The following FMNL2 variants were observed in gnomAD, a reference collection of about 807,000 sequenced individuals.
The protein encoded by FMNL2 is formin-like protein 2.
FMNL2 carries 51 observed loss-of-function variants against 130.2 expected under a neutral mutation model. The observed-to-expected ratio is 0.39, with a 90% CI of 0.31 to 0.49. The LOEUF is 0.49. Ranked by LOEUF, FMNL2 falls within the 20% of genes least tolerant of loss-of-function variation. The pLI is 0.85. For synonymous variants in FMNL2, 465 were observed against 467.1 expected, an observed-to-expected ratio of 1.00 and a Z score of 0.06; for missense variants, 977 against 1,316.2, an observed-to-expected ratio of 0.74 and a Z score of 3.99.
At chr2:152,388,308 A>G (rs534336400) in intron 1 of FMNL2, among the ~76,000 whole-genome samples, 48 of 152,338 alleles carry the variant, frequency 3.2e-4, no homozygotes, top group African/African-American at 1.1e-3. Context: ...TTATAAAGGA[A>G]GAGGTTTAAT....
chr2:152,474,863 A>T (rs1690061411), intron 1 of FMNL2, among the ~76,000 whole-genome samples: 2 of 152,222 alleles, frequency 1.3e-5, no homozygotes, highest in African/African-American at 4.8e-5. Flanking sequence ...AGGAGAACAG[A>T]GTCACAGAGC....
intron 1 of FMNL2, among the ~76,000 whole-genome samples, chr2:152,433,008 T>C (rs1441506426): frequency 6.6e-6 from 1 of 152,228 alleles, no homozygotes; most frequent in African/African-American, 2.4e-5. Flanking sequence ...TGCTCTATAC[T>C]AGCAGCGCTT....
intron 1 of FMNL2, among the ~76,000 whole-genome samples, chr2:152,471,598 T>A (rs1689863330): frequency 6.6e-6 from 1 of 152,198 alleles, no homozygotes; most frequent in Non-Finnish European, 1.5e-5. Flanking sequence ...ACTCCAGAAC[T>A]GGAGCCAACA....
chr2:152,409,682 G>A (rs1035568402), intron 1 of FMNL2, among the ~76,000 whole-genome samples: 2 of 152,124 alleles, frequency 1.3e-5, no homozygotes, highest in African/African-American at 2.4e-5. Context: ...TGCAGTAATC[G>A]GACCCTGATT....
At chr2:152,571,490 A>G (rs977889479) in intron 6 of FMNL2, among the ~76,000 whole-genome samples, 1 of 152,176 alleles carries the variant, frequency 6.6e-6, no homozygotes, top group South Asian at 2.1e-4. Context: ...AATTATGTGA[A>G]GTTTCATAAT....
At chr2:152,403,466 T>A (rs1685818572) in intron 1 of FMNL2, among the ~76,000 whole-genome samples, 1 of 152,214 alleles carries the variant, frequency 6.6e-6, no homozygotes, top group South Asian at 2.1e-4. Context: ...TGGGTTAGAA[T>A]CTAATACTGC....
At position 152,649,562 on chromosome 2, in the gene FMNL2, A is replaced by G. The variant is rs1487147847; in HGVS notation, c.*1657A>G. 1 of 152,594 alleles carries G rather than the reference A, an allele frequency of 6.6e-6. No homozygotes were observed. Among genetic ancestry groups the G allele is most frequent in the African/African-American group, 2.4e-5 (1 of 41,446 alleles). The allele number at this position is 152,594 out of a possible 1,614,324, so 9.5% of individuals were successfully genotyped here. A position where few individuals can be genotyped will look rare whatever the true frequency, so the allele number is the denominator to read the frequency against. ...TTGTCTTTCTGTGGACTCAACATTC[A>G]CTTCGATTAAAAATAGCAATTTGAC... On this transcript the variant is annotated 3_prime_UTR_variant, in exon 26 of 26. Coordinates refer to ENST00000288670, the MANE Select transcript of FMNL2 (RefSeq NM_052905.4).
chr2:152,375,707 A>G (rs1423195453), intron 1 of FMNL2, among the ~76,000 whole-genome samples: 1 of 151,956 alleles, frequency 6.6e-6, no homozygotes, highest in Non-Finnish European at 1.5e-5. Context: ...TGAAAACATC[A>G]TCAGTTGGCT....
chr2:152,495,680 GC>G (rs1239080810), intron 1 of FMNL2, among the ~76,000 whole-genome samples: 1 of 38,496 alleles, frequency 2.6e-5, no homozygotes, highest in Non-Finnish European at 7.8e-5. Flanking sequence ...TTTTTTTCAT[GC>G]CCTAAAAGCT....
At chr2:152,625,407 A>T (rs1681713894) in intron 15 of FMNL2, 31 bp from the exon 16 acceptor site, 1 of 1,591,416 alleles carries the variant, frequency 6.3e-7, no homozygotes, top group Non-Finnish European at 8.6e-7. Flanking sequence ...TTTTGGTGGG[A>T]TCTTAATTCC....
chr2:152,629,628 CCT>C (rs747725082), intron 18 of FMNL2, 26 bp from the exon 19 acceptor site: 17 of 1,563,560 alleles, frequency 1.1e-5, no homozygotes, highest in African/African-American at 2.7e-5. Context: ...TCTTTTTTCC[CCT>C]TTTTCTTTCT....
intron 1 of FMNL2, among the ~76,000 whole-genome samples, chr2:152,426,079 T>A (rs903858878): frequency 6.6e-6 from 1 of 152,212 alleles, no homozygotes; most frequent in East Asian, 1.9e-4. Flanking sequence ...TCTACCTCAT[T>A]GTGTTATATA....
chr2:152,571,980 T>C (rs12693404), intron 6 of FMNL2, among the ~76,000 whole-genome samples: 110,011 of 151,708 alleles, frequency 0.73, 40,186 homozygotes, highest in East Asian at 0.81. Flanking sequence ...CATCTTTTTT[T>C]CTGTGGAAAC....
chr2:152,582,705 T>C (rs999174966), intron 9 of FMNL2, among the ~76,000 whole-genome samples: 2 of 152,142 alleles, frequency 1.3e-5, no homozygotes, highest in Non-Finnish European at 2.9e-5. Flanking sequence ...TAAGGAAGTA[T>C]GTTTGGGTGG....
intron 1 of FMNL2, among the ~76,000 whole-genome samples, chr2:152,505,242 A>T (rs905346739): frequency 1.1e-4 from 17 of 152,162 alleles, no homozygotes; most frequent in African/African-American, 3.9e-4. Context: ...TAGAGAGTCA[A>T]GTGTGAAAAC....
chr2:152,375,072 A>G (rs1004860650), intron 1 of FMNL2, among the ~76,000 whole-genome samples: 1 of 152,206 alleles, frequency 6.6e-6, no homozygotes, highest in Non-Finnish European at 1.5e-5. Context: ...TGTATATTTC[A>G]CATACATATA....
intron 9 of FMNL2, among the ~76,000 whole-genome samples, chr2:152,599,449 A>G (rs1697941118): frequency 8.3e-6 from 1 of 120,200 alleles, no homozygotes; most frequent in South Asian, 2.9e-4. Context: ...GAGAGGTAGT[A>G]AAAAGACATT....
intron 2 of FMNL2, among the ~76,000 whole-genome samples, chr2:152,532,918 A>G (rs1033961968): frequency 1.4e-4 from 22 of 152,058 alleles, no homozygotes; most frequent in Admixed American, 1.2e-3. Flanking sequence ...TCTTTTGCCT[A>G]TTTTTAAAAA....
At chr2:152,634,305 T>G (rs1682399254) in intron 21 of FMNL2, among the ~76,000 whole-genome samples, 1 of 152,088 alleles carries the variant, frequency 6.6e-6, no homozygotes, top group Non-Finnish European at 1.5e-5. Context: ...TGGTGGCACA[T>G]GCCTGTACTC....
Sources: allele counts gnomAD v4.1 joint callset (sites outside exome capture counted in the v4.1 genomes callset), GRCh38; gene constraint gnomAD v4.1.1; transcripts MANE v1.5; gene names NCBI Gene and HGNC (gene_info 2026-07-23, HGNC 2026-07-21).